KIAA1217: variants seen among roughly 807,000 people sequenced by gnomAD.
The protein encoded by KIAA1217 is KIAA1217.
KIAA1217 carries 88 observed loss-of-function variants against 163.9 expected under a neutral mutation model. The ratio of observed to expected loss-of-function variants is 0.54; its 90% CI spans 0.45 to 0.64. The LOEUF (loss-of-function observed/expected upper bound fraction) is 0.64. KIAA1217 is among the 30% of genes least tolerant of loss of function. KIAA1217 has a pLI of 0.00. For synonymous variants in KIAA1217, 903 were observed against 923.1 expected (o/e 0.98, Z 0.39); for missense variants, 2,372 against 2,475.0 (o/e 0.96, Z 0.88).
chr10:24,005,849 A>C (rs899209436), intron 1 of KIAA1217, among the ~76,000 whole-genome samples: 8 of 152,218 alleles, frequency 5.3e-5, no homozygotes, highest in Non-Finnish European at 1.0e-4. Flanking sequence ...GAATGTGTGC[A>C]AAGTTTTATG....
intron 3 of KIAA1217, among the ~76,000 whole-genome samples, chr10:24,431,518 C>G (rs1056329025): frequency 1.3e-5 from 2 of 152,132 alleles, no homozygotes; most frequent in African/African-American, 4.8e-5. Context: ...CCCAAGACGG[C>G]TCATCCACAT....
chr10:24,070,288 T>TAA (rs56759196), intron 2 of KIAA1217, among the ~76,000 whole-genome samples: 80 of 145,386 alleles, frequency 5.5e-4, no homozygotes, highest in African/African-American at 1.8e-3. Flanking sequence ...TCAGAATTGA[T>TAA]AAAAAAAAAA....
At chr10:23,737,940 T>A (rs527819631) in intron 1 of KIAA1217, among the ~76,000 whole-genome samples, 1 of 152,266 alleles carries the variant, frequency 6.6e-6, no homozygotes, top group African/African-American at 2.4e-5. Context: ...ATAAGACTTT[T>A]TCATCTTGTA....
chr10:24,426,611 C>T (rs1250569371), intron 3 of KIAA1217, among the ~76,000 whole-genome samples: 2 of 151,396 alleles, frequency 1.3e-5, no homozygotes, highest in Non-Finnish European at 2.9e-5. Flanking sequence ...GGCAACAGAG[C>T]GAGACTCTGT....
intron 2 of KIAA1217, among the ~76,000 whole-genome samples, chr10:24,146,004 A>G (rs997874290): frequency 5.9e-5 from 9 of 152,188 alleles, no homozygotes; most frequent in Non-Finnish European, 1.3e-4. Context: ...CAGGAACAAT[A>G]CTTTGCATCC....
chr10:23,911,604 A>G (rs906579740), intron 1 of KIAA1217, among the ~76,000 whole-genome samples: 3 of 152,194 alleles, frequency 2.0e-5, no homozygotes, highest in African/African-American at 7.2e-5. Context: ...AAATACCTAA[A>G]TAAAGTTTGA....
At chr10:24,234,860 A>C (rs12413189) in intron 2 of KIAA1217, among the ~76,000 whole-genome samples, 37,712 of 152,044 alleles carry the variant, frequency 0.25, 5,479 homozygotes, top group East Asian at 0.37. Context: ...AATGTGGCTC[A>C]TGCTATTTAA....
At chr10:23,917,868 C>T (rs1842688658) in intron 1 of KIAA1217, among the ~76,000 whole-genome samples, 1 of 152,150 alleles carries the variant, frequency 6.6e-6, no homozygotes, top group Non-Finnish European at 1.5e-5. Flanking sequence ...GAGGTATGAT[C>T]ACTTGAGTAC....
chr10:24,471,973 A>G (rs1309629195), intron 5 of KIAA1217, among the ~76,000 whole-genome samples: 1 of 151,978 alleles, frequency 6.6e-6, no homozygotes, highest in East Asian at 1.9e-4. Context: ...TGACCAGAAC[A>G]CTTACAGATG....
At chr10:24,218,656 T>A (rs1435100104) in intron 1 of KIAA1217, among the ~76,000 whole-genome samples, 1 of 151,852 alleles carries the variant, frequency 6.6e-6, no homozygotes, top group Non-Finnish European at 1.5e-5. Context: ...GCCCAGCTAA[T>A]TTTTTTGTAT....
chr10:24,525,332 G>T (rs1295490884), intron 13 of KIAA1217, among the ~76,000 whole-genome samples: 1 of 152,130 alleles, frequency 6.6e-6, no homozygotes, highest in Non-Finnish European at 1.5e-5. Flanking sequence ...AGCATGGGAG[G>T]GTGGTGAGGG....
chr10:24,274,866 A>C (rs899550969), intron 2 of KIAA1217, among the ~76,000 whole-genome samples: 1 of 152,168 alleles, frequency 6.6e-6, no homozygotes, highest in Non-Finnish European at 1.5e-5. Flanking sequence ...AATGCCAAAT[A>C]GTACTTCCAC....
At chr10:23,918,731 TATAC>T (rs1554823737) in intron 1 of KIAA1217, among the ~76,000 whole-genome samples, 13 of 137,828 alleles carry the variant, frequency 9.4e-5, no homozygotes, top group East Asian at 4.1e-4. Flanking sequence ...GAATTAAATA[TATAC>T]ACACACACAC....
At chr10:24,147,832 CAAAAAAAAAA>C (rs1176106711) in intron 2 of KIAA1217, among the ~76,000 whole-genome samples, 31 of 20,770 alleles carry the variant, frequency 1.5e-3, no homozygotes, top group East Asian at 5.3e-3. Context: ...TACTCTGTCT[CAAAAAAAAAA>C]AAAAAAAAAA....
chr10:23,956,662 G>C (rs922127472), intron 1 of KIAA1217, among the ~76,000 whole-genome samples: 1 of 152,146 alleles, frequency 6.6e-6, no homozygotes, highest in African/African-American at 2.4e-5. Flanking sequence ...TCTTCAGGCT[G>C]TATGAGAAGC....
chr10:24,333,798 G>A (rs933268975), intron 2 of KIAA1217, among the ~76,000 whole-genome samples: 3 of 152,196 alleles, frequency 2.0e-5, no homozygotes, highest in Non-Finnish European at 2.9e-5. Context: ...TGGTTAAAAG[G>A]TTGGGGAAAA....
At chr10:23,701,583 A>C (rs983911978) in intron 1 of KIAA1217, among the ~76,000 whole-genome samples, 1 of 152,242 alleles carries the variant, frequency 6.6e-6, no homozygotes, top group Admixed American at 6.5e-5. Context: ...ATGAGGTCGT[A>C]TCAATTAACC....
chr10:24,368,235 A>G (rs1316116830), intron 2 of KIAA1217, among the ~76,000 whole-genome samples: 1 of 152,158 alleles, frequency 6.6e-6, no homozygotes, highest in African/African-American at 2.4e-5. Flanking sequence ...TGTATTGTGC[A>G]CTAAGTTAAA....
At chr10:23,821,747 C>T (rs1473595387) in intron 1 of KIAA1217, among the ~76,000 whole-genome samples, 2 of 152,176 alleles carry the variant, frequency 1.3e-5, no homozygotes, top group East Asian at 3.8e-4. Flanking sequence ...TTAGGTTTTA[C>T]CTCTGACACC....
Sources: allele counts gnomAD v4.1 joint callset (sites outside exome capture counted in the v4.1 genomes callset), GRCh38; gene constraint gnomAD v4.1.1; transcripts MANE v1.5; gene names NCBI Gene and HGNC (gene_info 2026-07-23, HGNC 2026-07-21).